TRIP12: variants seen among roughly 807,000 people sequenced by gnomAD.
TRIP12 encodes the protein E3 ubiquitin-protein ligase TRIP12.
A neutral mutation model predicts 244.2 loss-of-function variants in TRIP12; 25 were observed. That is an observed-to-expected ratio of 0.10 (90% CI 0.07 to 0.14). The LOEUF (loss-of-function observed/expected upper bound fraction) is 0.14, where lower values mean the gene tolerates loss of function less well. Among genes scored for constraint, TRIP12 ranks in the 10% least tolerant of loss-of-function variants. The pLI is 1.00. For missense variants in TRIP12, 1,677 were observed against 2,486.4 expected, an observed-to-expected ratio of 0.67 and a Z score of 6.92; for synonymous variants, 905 against 873.1, an observed-to-expected ratio of 1.04 and a Z score of -0.64.
intron 34 of TRIP12, among the ~76,000 whole-genome samples, chr2:229,781,138 T>A (rs1223810152): frequency 6.6e-6 from 1 of 152,206 alleles, no homozygotes; most frequent in South Asian, 2.1e-4. Context: ...CAGGTCATGT[T>A]TGCTTTGCTG....
intron 15 of TRIP12, 79 bp downstream of exon 15, chr2:229,810,801 G>T: frequency 7.1e-7 from 1 of 1,401,710 alleles, no homozygotes. Flanking sequence ...TCTTCCATTT[G>T]CTCGGCTTAT....
At chr2:229,789,487 T>G (rs1209878496) in intron 31 of TRIP12, 124 bp downstream of exon 31, 5 of 1,150,520 alleles carry the variant, frequency 4.3e-6, no homozygotes, top group African/African-American at 1.6e-5. Flanking sequence ...CACTGATGAG[T>G]ACATTGTACT....
In TRIP12 at chr2:229,770,310, T is replaced by G. The variant is rs1486861317; in HGVS notation, c.5809-985A>C. Among the ~76,000 whole-genome samples, 3 of 152,156 alleles carry G rather than the reference T, an allele frequency of 2.0e-5. 1 individual carries two copies. Among genetic ancestry groups the G allele is most frequent in the Non-Finnish European group, 4.4e-5 (3 of 68,026 alleles). On this transcript the variant is annotated intron_variant, in intron 39 of 41. Coordinates refer to ENST00000675903, the MANE Select transcript of TRIP12 (RefSeq NM_001348323.3). Reference sequence around the variant, plus strand: ...TCTGTGATAGGGGTTATTCCAATTTTACAGATGAAACAGTCCTATCAGATA... The same window carrying G: ...TCTGTGATAGGGGTTATTCCAATTTGACAGATGAAACAGTCCTATCAGATA...
At chr2:229,922,244 G>C (rs1028163567), upstream of TRIP12, 19 of 467,004 alleles carry the variant, frequency 4.1e-5, no homozygotes, top group East Asian at 2.0e-4. Flanking sequence ...GGACTGTGGA[G>C]ATCTACTTGG....
Position 229,832,834 on chromosome 2 carries a change from T to C in TRIP12, c.1271-1995A>G, listed in dbSNP as rs183435734. On this transcript the variant is annotated intron_variant, in intron 6 of 41. Transcript: ENST00000675903. ...GCTTCTTCACATTATACAGAAATGCTGTTAACGAATACTGTTACTAGGTAC... is the reference window on the plus strand; with the variant it reads ...GCTTCTTCACATTATACAGAAATGCCGTTAACGAATACTGTTACTAGGTAC... 3.9e-5 allele frequency among the ~76,000 whole-genome samples: 6 copies of C among 152,360 alleles called. No individual in the cohort carries two copies. In the East Asian group the frequency reaches 1.2e-3, roughly 29 times the overall value.
chr2:229,910,858 T>G (rs550566370), intron 1 of TRIP12, among the ~76,000 whole-genome samples: 1 of 152,314 alleles, frequency 6.6e-6, no homozygotes, highest in Admixed American at 6.5e-5. Context: ...ACACTAACAT[T>G]ACTAATGACA....
intron 1 of TRIP12, among the ~76,000 whole-genome samples, chr2:229,920,474 C>T (rs1336572350): frequency 6.6e-6 from 1 of 152,214 alleles, no homozygotes; most frequent in Admixed American, 6.5e-5. Context: ...CGCCTCCCCC[C>T]GCACCGGCCC....
At chr2:229,903,481 C>T (rs1008574354) in intron 1 of TRIP12, among the ~76,000 whole-genome samples, 6 of 151,824 alleles carry the variant, frequency 4.0e-5, no homozygotes, top group Admixed American at 2.6e-4. Flanking sequence ...TAGAAGATGA[C>T]GTTCCACGGA....
rs775776901 is a variant in TRIP12 at position 229,858,964 on chromosome 2, C to T, written c.835G>A (p.Ala279Thr). 29 of 1,614,080 alleles carry T rather than the reference C, an allele frequency of 1.8e-5. No individual in the cohort carries two copies. The East Asian group carries it at 6.2e-4, about 35-fold the overall frequency. Residue 279 changes from alanine (A) to threonine (T), a missense_variant, in exon 4 of 42, where the codon GCG (alanine) becomes ACG (threonine). By Grantham distance (58) the Ala-to-Thr change is moderately conservative (BLOSUM62 0). Coordinates refer to ENST00000675903, the MANE Select transcript of TRIP12 (RefSeq NM_001348323.3). ...CTTCTTCTGGGGCTGGGACTGGACG[C>T]TGAACGGGAACGCCTGGCCTTGTTC... ...DQNKARRSRSASSPSPRRSSR... is the reference protein window; with the variant it reads ...DQNKARRSRSTSSPSPRRSSR...
chr2:229,819,769 A>G (rs896618827), intron 8 of TRIP12, among the ~76,000 whole-genome samples: 9 of 152,190 alleles, frequency 5.9e-5, no homozygotes, highest in Non-Finnish European at 1.2e-4. Flanking sequence ...GAAATGGGAT[A>G]TATGTCTGGA....
chr2:229,861,402 A>G lies in TRIP12; in HGVS notation c.99-871T>C, dbSNP rs149571673. ...TGTTGATATCCAGAAAACTGCTGCCATTCGGGTGAGATATTAATGTAACAA... is the reference window on the plus strand; with the variant it reads ...TGTTGATATCCAGAAAACTGCTGCCGTTCGGGTGAGATATTAATGTAACAA... On this transcript the variant is annotated intron_variant, in intron 2 of 41. Coordinates refer to ENST00000675903, the MANE Select transcript of TRIP12 (RefSeq NM_001348323.3). 5.2e-3 allele frequency among the ~76,000 whole-genome samples: 794 copies of G among 152,352 alleles called. 6 individuals carry two copies. The highest frequency in any genetic ancestry group is 0.018 in the African/African-American group (733 of 41,594).
chr2:229,830,594 A>G (rs1472341728), intron 7 of TRIP12, among the ~76,000 whole-genome samples, 162 bp downstream of exon 7: 1 of 152,230 alleles, frequency 6.6e-6, no homozygotes, highest in Non-Finnish European at 1.5e-5. Context: ...TCATCTTCCA[A>G]TTCCAAATCA....
At chr2:229,826,763 T>C (rs901776418) in intron 8 of TRIP12, among the ~76,000 whole-genome samples, 1 of 152,124 alleles carries the variant, frequency 6.6e-6, no homozygotes, top group South Asian at 2.1e-4. Context: ...TATATGTTAA[T>C]ATATCTACAA....
chr2:229,862,346 A>C (rs897588964), intron 2 of TRIP12, among the ~76,000 whole-genome samples: 6 of 152,166 alleles, frequency 3.9e-5, no homozygotes, highest in Non-Finnish European at 5.9e-5. Flanking sequence ...CAGAAATGAG[A>C]CTATTTTTCA....
rs183490249 is a variant in TRIP12, at chr2:229,878,878, G to A, written c.98+1104C>T. ...ATTACAGGTGTGAGCCACCGCGCCC[G>A]GCCTAAAAAATTTTTAAATACTTTA... On this transcript the variant is annotated intron_variant, in intron 2 of 41. Coordinates refer to ENST00000675903, the MANE Select transcript of TRIP12 (RefSeq NM_001348323.3). Among the ~76,000 whole-genome samples, 222 of 151,280 alleles carry A rather than the reference G, an allele frequency of 1.5e-3. 2 individuals are homozygous for A. Among genetic ancestry groups the A allele is most frequent in the African/African-American group, 4.6e-3 (191 of 41,274 alleles).
At chr2:229,909,084 T>C (rs1216956802) in intron 1 of TRIP12, among the ~76,000 whole-genome samples, 30 of 90,816 alleles carry the variant, frequency 3.3e-4, no homozygotes, top group Middle Eastern at 5.0e-3. Context: ...AGTGAGACTC[T>C]GTCTCAAAAA....
chr2:229,859,379 A>G lies in TRIP12; in HGVS notation c.420T>C (p.Thr140=). The change falls in exon 4 of 42, where the codon ACT becomes ACC. Residue 140 remains threonine (T), a synonymous_variant. Coordinates refer to ENST00000675903, the MANE Select transcript of TRIP12 (RefSeq NM_001348323.3). ...SAKKPKALQH[T]ESPSETNKPH... ...GCTTATTTGTTTCTGAGGGAGATTC[A>G]GTATGCTGAAGTGCTTTTGGTTTTT... The G allele has an allele frequency of 1.2e-6, 2 of 1,614,178 alleles. No homozygotes were observed. The highest frequency in any genetic ancestry group is 1.7e-6 in the Non-Finnish European group (2 of 1,180,034).
intron 34 of TRIP12, among the ~76,000 whole-genome samples, chr2:229,784,835 G>A (rs542643924): frequency 6.6e-6 from 1 of 152,324 alleles, no homozygotes; most frequent in Admixed American, 6.5e-5. Context: ...AATGTAAAAT[G>A]TGACAGCCAC....
At chr2:229,851,654 C>G (rs139309153) in intron 4 of TRIP12, among the ~76,000 whole-genome samples, 3 of 152,150 alleles carry the variant, frequency 2.0e-5, no homozygotes, top group Non-Finnish European at 4.4e-5. Flanking sequence ...TAACACTCAC[C>G]GCGAAGATCT....
Sources: allele counts gnomAD v4.1 joint callset (sites outside exome capture counted in the v4.1 genomes callset), GRCh38; gene constraint gnomAD v4.1.1; transcripts MANE v1.5; gene names NCBI Gene and HGNC (gene_info 2026-07-23, HGNC 2026-07-21).